The following ATP2C1 variants were observed in gnomAD, a reference collection of about 807,000 sequenced individuals.
The protein encoded by ATP2C1 is calcium-transporting ATPase type 2C member 1.
A neutral mutation model predicts 120.5 loss-of-function variants in ATP2C1; 31 were observed. The ratio of observed to expected loss-of-function variants is 0.26; its 90% CI spans 0.19 to 0.35. The LOEUF (loss-of-function observed/expected upper bound fraction) is 0.35, where lower values mean the gene tolerates loss of function less well. ATP2C1 is among the 10% of genes least tolerant of loss of function. The pLI, the probability that ATP2C1 is intolerant of heterozygous loss-of-function variation, is 1.00. For synonymous variants in ATP2C1, 351 were observed against 358.7 expected, an observed-to-expected ratio of 0.98 and a Z score of 0.24; for missense variants, 731 against 1,107.5, an observed-to-expected ratio of 0.66 and a Z score of 4.83.
chr3:130,955,553 A>G (rs1016107172), intron 10 of ATP2C1, among the ~76,000 whole-genome samples: 2 of 152,234 alleles, frequency 1.3e-5, no homozygotes, highest in African/African-American at 4.8e-5. Context: ...TTATTATAAA[A>G]AGAAGCTTCA....
chr3:130,862,884 T>C (rs1193772678), intron 1 of ATP2C1, among the ~76,000 whole-genome samples: 1 of 152,218 alleles, frequency 6.6e-6, no homozygotes, highest in Non-Finnish European at 1.5e-5. Context: ...AGGAGTAGAA[T>C]TGTGAAGGAG....
intron 11 of ATP2C1, 141 bp from the exon 12 acceptor site, chr3:130,959,134 G>C (rs1002539769): frequency 1.6e-6 from 1 of 635,946 alleles, no homozygotes; most frequent in African/African-American, 1.8e-5. Context: ...CTGTTTAATG[G>C]ATTTTTATAA....
intron 12 of ATP2C1, chr3:130,959,549 G>C (rs1027327812): frequency 3.0e-6 from 1 of 330,834 alleles, no homozygotes; most frequent in Non-Finnish European, 5.6e-6. Context: ...ACCCATACTA[G>C]ATGTCTGGAA....
chr3:130,956,863 C>T (rs564154238), intron 11 of ATP2C1, among the ~76,000 whole-genome samples: 6 of 152,202 alleles, frequency 3.9e-5, no homozygotes, highest in African/African-American at 1.2e-4. Context: ...ATTTTATGAC[C>T]TGCCAACGAT....
chr3:130,926,694 T>G (rs1318030920), intron 2 of ATP2C1, among the ~76,000 whole-genome samples: 1 of 152,270 alleles, frequency 6.6e-6, no homozygotes, highest in Admixed American at 6.5e-5. Flanking sequence ...ATGAGAACCT[T>G]ATCACACACA....
chr3:130,858,740 G>A (rs73872034), intron 1 of ATP2C1, among the ~76,000 whole-genome samples: 4,581 of 152,258 alleles, frequency 0.03, 220 homozygotes, highest in African/African-American at 0.098. Context: ...TTGTGAGGAA[G>A]ATACATGACT....
At chr3:130,905,377 C>A (rs928326563) in intron 2 of ATP2C1, among the ~76,000 whole-genome samples, 2 of 152,052 alleles carry the variant, frequency 1.3e-5, no homozygotes, top group African/African-American at 4.8e-5. Context: ...CAGCCCTTTT[C>A]TCTTTCTTTG....
In ATP2C1 at chr3:130,993,018, C is replaced by G. The variant is rs2062425274; in HGVS notation, c.1890+17C>G. The stretch of plus-strand genomic sequence containing the variant: ...ATTATTAAGGTGAGTGTGTAAGAAT[C>G]AGATTGTTTTATTTCTGTATACAAA... On this transcript the variant is annotated intron_variant, in intron 21 of 27. Coordinates refer to ENST00000510168, the MANE Select transcript of ATP2C1 (RefSeq NM_001378687.1). The G allele has an allele frequency of 1.9e-6, 3 of 1,606,416 alleles. No homozygotes were observed. The highest frequency in any genetic ancestry group is 2.6e-6 in the Non-Finnish European group (3 of 1,173,588).
intron 26 of ATP2C1, chr3:131,014,513 C>A: frequency 1.1e-6 from 1 of 887,320 alleles, no homozygotes; most frequent in Non-Finnish European, 1.6e-6. Context: ...ATAATATTAT[C>A]GAAATTACTT....
chr3:130,865,344 C>T (rs190458283), intron 1 of ATP2C1, among the ~76,000 whole-genome samples: 146 of 152,312 alleles, frequency 9.6e-4, no homozygotes, highest in African/African-American at 3.4e-3. Context: ...GATTTACAGG[C>T]TCATAGGCGG....
chr3:130,968,966 T>C (rs574381176), intron 16 of ATP2C1, among the ~76,000 whole-genome samples: 1 of 152,136 alleles, frequency 6.6e-6, no homozygotes, highest in Non-Finnish European at 1.5e-5. Context: ...TGCTCAGAAT[T>C]GGTTGGGTAC....
At chr3:130,935,925 G>A (rs940209307) in intron 5 of ATP2C1, among the ~76,000 whole-genome samples, 2 of 152,156 alleles carry the variant, frequency 1.3e-5, no homozygotes, top group African/African-American at 2.4e-5. Context: ...GGTGATGATT[G>A]TGAGGCAAAC....
chr3:130,934,739 C>T (rs767824875), intron 5 of ATP2C1, 28 bp downstream of exon 5: 16 of 1,424,700 alleles, frequency 1.1e-5, no homozygotes, highest in Middle Eastern at 2.0e-4. Flanking sequence ...TATTTTTAAT[C>T]TGTTGAGTAA....
At chr3:130,974,501 G>A (rs2061461485) in intron 17 of ATP2C1, among the ~76,000 whole-genome samples, 1 of 152,252 alleles carries the variant, frequency 6.6e-6, no homozygotes, top group South Asian at 2.1e-4. Context: ...CCGTTGTGGA[G>A]TGAGGACGGC....
intron 8 of ATP2C1, among the ~76,000 whole-genome samples, chr3:130,948,925 T>C (rs767105939): frequency 2.6e-5 from 4 of 152,196 alleles, no homozygotes; most frequent in African/African-American, 9.6e-5. Flanking sequence ...ACGATGTTCA[T>C]GTAAGACTAT....
At chr3:130,926,324 A>G (rs1021406280) in intron 2 of ATP2C1, among the ~76,000 whole-genome samples, 8 of 152,242 alleles carry the variant, frequency 5.3e-5, no homozygotes, top group Non-Finnish European at 8.8e-5. Context: ...ATCTACCTAC[A>G]AAGTTCAGGC....
chr3:130,894,175 T>A lies in ATP2C1; in HGVS notation c.-343T>A. On this transcript the variant is annotated 5_prime_UTR_variant, in exon 1 of 28. Transcript: ENST00000510168. The surrounding 1 kb of genome is among the most constrained non-coding windows in gnomAD (Gnocchi z 4.5). ...CCCCTCCCCGCCCGCCCTCTCTCCC[T>A]CCCTTCCTCCCTCCCGCTCGCTTCT... is the stretch of plus-strand genomic sequence containing the variant. 1.4e-5 allele frequency: 3 copies of A among 217,248 alleles called. No individual in the cohort carries two copies. The highest frequency in any genetic ancestry group is 1.9e-5 in the Non-Finnish European group (3 of 157,640). 13.5% of individuals were successfully genotyped at this position (217,248 alleles called of 1,614,324 possible).
chr3:130,982,962 T>C (rs1576986079), intron 20 of ATP2C1, among the ~76,000 whole-genome samples: 2 of 152,338 alleles, frequency 1.3e-5, no homozygotes, highest in East Asian at 3.9e-4. Context: ...TACTTTATAC[T>C]GTTATAATTC....
chr3:130,914,797 G>A (rs950385247), intron 2 of ATP2C1, among the ~76,000 whole-genome samples: 4 of 152,174 alleles, frequency 2.6e-5, no homozygotes, highest in Admixed American at 6.5e-5. Flanking sequence ...TCCCTTTCAC[G>A]TTCTACCTCC....
Sources: gnomAD v4.1 joint callset for allele counts (sites outside exome capture counted in the v4.1 genomes callset) on GRCh38, gnomAD v4.1.1 for gene constraint, Gnocchi (gnomAD v3.1) non-coding constraint, MANE v1.5 for transcripts, NCBI Gene and HGNC (gene_info 2026-07-23, HGNC 2026-07-21) for gene names.